NOXO1: variants seen among roughly 807,000 people sequenced by gnomAD.
NOXO1 encodes the protein NADPH oxidase regulatory protein.
A neutral mutation model predicts 33.3 loss-of-function variants in NOXO1; 38 were observed. The ratio of observed to expected loss-of-function variants is 1.14; its 90% confidence interval spans 0.88 to 1.50. The LOEUF is 1.50. NOXO1 is among the 40% of genes most tolerant of loss of function. NOXO1 has a pLI of 0.00. For missense variants in NOXO1, 675 were observed against 527.1 expected (o/e 1.28, Z -2.75); for synonymous variants, 302 against 237.3 (o/e 1.27, Z -2.51).
chr16:1,980,051 G>A lies in NOXO1; in HGVS notation c.532C>T (p.Pro178Ser), dbSNP rs1295819112. The change falls in exon 5 of 8, where the codon CCT becomes TCT. Residue 178 changes from proline (P) to serine (S), a missense_variant. Physicochemically the swap from Pro to Ser is moderately conservative, Grantham distance 74. Transcript: ENST00000356120. The part of the protein sequence containing the change: ...PFCTQDTRDR[P>S]FQAQAQESLD... ...CTCTCCTGGGCCTGCGCCTGAAAAG[G>A]CCTATCCCGCGTGTCCTGGGTACAG... 1 of 1,606,932 alleles carries A rather than the reference G, an allele frequency of 6.2e-7. No individual in the cohort carries two copies.
At position 1,978,959 on chromosome 16, in the gene NOXO1, C is replaced by T. The variant is rs1425946820; in HGVS notation, c.*93G>A. ...TACTCAGAGGAACAGCAAATGGCCC[C>T]CTCCCATCCCTGCTGGCCAGGGAGA... is the stretch of plus-strand genomic sequence containing the variant. On this transcript the variant is annotated 3_prime_UTR_variant, in exon 8 of 8. Transcript: ENST00000356120. 7 of 1,280,756 alleles carry T rather than the reference C, an allele frequency of 5.5e-6. No individual in the cohort carries two copies. Among genetic ancestry groups the T allele is most frequent in the Non-Finnish European group, 7.4e-6 (7 of 939,832 alleles). The allele number at this position is 1,280,756 out of a possible 1,614,324, so 79.3% of individuals were successfully genotyped here.
rs754828616 is a variant in NOXO1 at position 1,980,656 on chromosome 16, C to T, written c.223G>A (p.Asp75Asn). ...RSDRVLPKLL[D>N]APLLGRVGRT... ...GCTCCCGTACCCAGGCTGGCCTGAC[C>T]GAGAAGCTTTGGGAGAACGCGGTCA... is the stretch of plus-strand genomic sequence containing the variant. Residue 75 changes from aspartate to asparagine, a missense_variant and splice_region_variant, in exon 3 of 8, where the codon GAT becomes AAT. By Grantham distance (23) the Asp-to-Asn change is conservative. Coordinates refer to ENST00000356120, the MANE Select transcript of NOXO1 (RefSeq NM_172167.3). 4 of 1,605,282 alleles carry T rather than the reference C, an allele frequency of 2.5e-6. No homozygotes were observed. In the Admixed American group the frequency reaches 6.8e-5, roughly 27 times the overall value.
In NOXO1 at chr16:1,980,915, TCAGGGTGGCC is replaced by T; in HGVS notation, c.147+14_147+23del. On this transcript the variant is annotated intron_variant, in intron 2 of 7. Coordinates refer to ENST00000356120, the MANE Select transcript of NOXO1 (RefSeq NM_172167.3). ...GCGTGGGGAAGCCGCCACCGCGGCA[TCAGGGTGGCC>T]CAGGGTCACTCACCTTGAGCTGCCT... The T allele has an allele frequency of 6.2e-7, 1 of 1,604,248 alleles. No homozygotes were observed. The highest frequency in any genetic ancestry group is 8.5e-7 in the Non-Finnish European group (1 of 1,172,976).
chr16:1,981,413 G>A lies in NOXO1; in HGVS notation c.-234C>T, dbSNP rs930319004. Reference sequence around the variant, plus strand: ...ACAGGGATTGGGGGACTTCCAGGCAGAGCTGCTGGGAGGAAGAAGAAGAAT... The same window carrying A: ...ACAGGGATTGGGGGACTTCCAGGCAAAGCTGCTGGGAGGAAGAAGAAGAAT... On this transcript the variant is annotated 5_prime_UTR_variant, in exon 1 of 8. Coordinates refer to ENST00000356120, the MANE Select transcript of NOXO1 (RefSeq NM_172167.3). The A allele has an allele frequency of 1.5e-5, 15 of 998,158 alleles. No homozygotes were observed. Among genetic ancestry groups the A allele is most frequent in the Non-Finnish European group, 2.0e-5 (14 of 708,490 alleles). 61.8% of individuals were successfully genotyped at this position (998,158 alleles called of 1,614,324 possible). A position where few individuals can be genotyped will look rare whatever the true frequency, so the allele number is the denominator to read the frequency against.
chr16:1,979,418 C>T lies in NOXO1; in HGVS notation c.818+7G>A, dbSNP rs776669047. 1.2e-6 allele frequency: 2 copies of T among 1,606,186 alleles called. No homozygotes were observed. Among genetic ancestry groups the T allele is most frequent in the Non-Finnish European group, 1.7e-6 (2 of 1,178,466 alleles). The stretch of plus-strand genomic sequence containing the variant: ...AGCCTGCCCTGCCCACGCCCGCTCC[C>T]GCGTACCTGCATAGCCACCAGCCGC... On this transcript the variant is annotated splice_region_variant and intron_variant, in intron 7 of 7. Coordinates refer to ENST00000356120, the MANE Select transcript of NOXO1 (RefSeq NM_172167.3).
chr16:1,980,294 G>A, intron 4 of NOXO1, 73 bp downstream of exon 4: 1 of 1,528,880 alleles, frequency 6.5e-7, no homozygotes, highest in Non-Finnish European at 8.8e-7. Context: ...TTCGCTGGCT[G>A]TTCCCCCCCA....
Position 1,979,890 on chromosome 16 carries a change from C to T in NOXO1, c.600G>A (p.Val200=), listed in dbSNP as rs1597055703. The change falls in exon 6 of 8, where the codon GTG becomes GTA. Residue 200 remains valine (V), a synonymous_variant. Coordinates refer to ENST00000356120, the MANE Select transcript of NOXO1 (RefSeq NM_172167.3). ...LLRHPSGWWL[V]ENEDRQTAWF... ...AGGCGGTCTGCCGGTCTTCGTTCTC[C>T]ACCAGCCACCAGCCTGTGCGCAAGA... 2 of 1,581,706 alleles carry T rather than the reference C, an allele frequency of 1.3e-6. No individual in the cohort carries two copies. The highest frequency in any genetic ancestry group is 1.1e-5 in the South Asian group (1 of 87,380).
Position 1,979,266 on chromosome 16 carries a change from C to T in NOXO1, c.902G>A (p.Arg301His), listed in dbSNP as rs763393227. ...LGALLSGTGF[R>H]GGDDPAGEAR... ...CTCACCCGCCGGGTCGTCTCCTCCA[C>T]GGAACCCCGTCCCGCTCAGGAGAGC... is the stretch of plus-strand genomic sequence containing the variant. The change falls in exon 8 of 8, where the codon CGT (arginine) becomes CAT (histidine). Residue 301 changes from arginine (R) to histidine (H), a missense_variant. Physicochemically the swap from Arg to His is conservative, Grantham distance 29 (BLOSUM62 0). Transcript: ENST00000356120. The T allele has an allele frequency of 4.5e-6, 7 of 1,540,186 alleles. No individual in the cohort carries two copies. The East Asian group carries it at 7.4e-5, about 16-fold the overall frequency.
Position 1,979,271 on chromosome 16 carries a change from C to A in NOXO1, c.897G>T (p.Gly299=). 2 of 1,547,184 alleles carry A rather than the reference C, an allele frequency of 1.3e-6. No individual in the cohort carries two copies. The highest frequency in any genetic ancestry group is 1.2e-5 in the South Asian group (1 of 85,040). Residue 299 remains glycine, a synonymous_variant, in exon 8 of 8, where the codon GGG becomes GGT. Transcript: ENST00000356120. ...EGLGALLSGT[G]FRGGDDPAGE... ...CCGCCGGGTCGTCTCCTCCACGGAA[C>A]CCCGTCCCGCTCAGGAGAGCGCCCA...
At position 1,980,005 on chromosome 16, in the gene NOXO1, T is replaced by G. The variant is rs1315391955; in HGVS notation, c.578A>C (p.His193Pro). Residue 193 changes from histidine (H) to proline (P), a missense_variant, in exon 5 of 8, where the codon CAC (histidine) becomes CCC (proline). By Grantham distance (77) the His-to-Pro change is moderately conservative (BLOSUM62 -2). Transcript: ENST00000356120. ...AQESLDVLLR[H>P]PSGWWLVENE... is the part of the protein sequence containing the mutation. ...TTCTTGGGGGGCCCTACCTGAGGGG[T>G]GCCGCAGCAGCACGTCCAGGCTCTC... 6.4e-7 allele frequency: 1 copy of G among 1,558,332 alleles called. No individual in the cohort carries two copies.
rs754548494 is a variant in NOXO1, at chr16:1,979,518, G to A, written c.725C>T (p.Ala242Val). The part of the protein sequence containing the change: ...SSGPQFCASR[A>V]YESSRADELS... ...CTCATCTGCGCGGCTGCTCTCGTAG[G>A]CGCGGGAAGCACAGAACTGGGGACC... The change falls in exon 7 of 8, where the codon GCC (alanine) becomes GTC (valine). Residue 242 changes from alanine (A) to valine (V), a missense_variant. Physicochemically the swap from Ala to Val is moderately conservative, Grantham distance 64. Transcript: ENST00000356120. 2 of 1,611,320 alleles carry A rather than the reference G, an allele frequency of 1.2e-6. No individual in the cohort carries two copies. The highest frequency in any genetic ancestry group is 1.7e-5 in the Admixed American group (1 of 59,878).
intron 6 of NOXO1, 119 bp downstream of exon 6, chr16:1,979,671 C>T (rs2083457584): frequency 1.7e-6 from 2 of 1,183,136 alleles, no homozygotes; most frequent in East Asian, 2.5e-5. Flanking sequence ...TCGGGGCTTC[C>T]TCTAGGTGCG....
Position 1,980,973 on chromosome 16 carries a change from A to G in NOXO1, c.113T>C (p.Val38Ala). Reference protein sequence around the residue: ...VRWSDGSDTFVRRSWDEFRQL... With the variant: ...VRWSDGSDTFARRSWDEFRQL... ...CCTGAATTCGTCCCAACTCCTGCGC[A>G]CGAAGGTGTCGCTGCCGTCTGACCA... The change falls in exon 2 of 8, where the codon GTG becomes GCG. Residue 38 changes from valine to alanine, a missense_variant. Physicochemically the swap from Val to Ala is moderately conservative, Grantham distance 64 (BLOSUM62 0). Coordinates refer to ENST00000356120, the MANE Select transcript of NOXO1 (RefSeq NM_172167.3). The G allele has an allele frequency of 1.9e-6, 3 of 1,613,180 alleles. No individual in the cohort carries two copies. The highest frequency in any genetic ancestry group is 2.5e-6 in the Non-Finnish European group (3 of 1,180,010).
At position 1,979,562 on chromosome 16, in the gene NOXO1, G is replaced by A. The variant is rs1471582644; in HGVS notation, c.701-20C>T. 6.3e-7 allele frequency: 1 copy of A among 1,588,612 alleles called. No homozygotes were observed. The highest frequency in any genetic ancestry group is 1.1e-5 in the South Asian group (1 of 89,332). ...GGGGACCTGGTGGGAGTGGGTGTTT[G>A]GAGTCACCGCGGGGCCACAGAGGAC... On this transcript the variant is annotated intron_variant, in intron 6 of 7. Coordinates refer to ENST00000356120, the MANE Select transcript of NOXO1 (RefSeq NM_172167.3).
Position 1,979,286 on chromosome 16 carries a change from G to C in NOXO1, c.882C>G (p.Leu294=). 1 of 1,558,962 alleles carries C rather than the reference G, an allele frequency of 6.4e-7. No homozygotes were observed. Among genetic ancestry groups the C allele is most frequent in the Non-Finnish European group, 8.6e-7 (1 of 1,159,952 alleles). Residue 294 remains leucine, a synonymous_variant, in exon 8 of 8, where the codon CTC becomes CTG. Transcript: ENST00000356120. ...CTCCACGGAACCCCGTCCCGCTCAG[G>C]AGAGCGCCCAGCCCTTCCGGCCGCA... is the stretch of plus-strand genomic sequence containing the variant. ...VLLRPEGLGA[L]LSGTGFRGGD... is the part of the protein sequence containing the mutation.
Position 1,980,002 on chromosome 16 carries a change from G to T in NOXO1, c.581C>A (p.Pro194His). 6.2e-7 allele frequency: 1 copy of T among 1,602,740 alleles called. No homozygotes were observed. The highest frequency in any genetic ancestry group is 8.5e-7 in the Non-Finnish European group (1 of 1,175,900). The change falls in exon 5 of 8, where the codon CCC becomes CAC. Residue 194 changes from proline (P) to histidine (H), a missense_variant. By Grantham distance (77) the Pro-to-His change is moderately conservative. Coordinates refer to ENST00000356120, the MANE Select transcript of NOXO1 (RefSeq NM_172167.3). ...GGGTTCTTGGGGGGCCCTACCTGAG[G>T]GGTGCCGCAGCAGCACGTCCAGGCT... The part of the protein sequence containing the change: ...QESLDVLLRH[P>H]SGWWLVENED...
In NOXO1 at chr16:1,980,524, C is replaced by G; in HGVS notation, c.244G>C (p.Val82Leu). ...GCCAGGCCGCGGCTCGTGCGCCCCA[C>G]GCGTCCCAACAGTGGTGCATCTTAA... ...KLLDAPLLGR[V>L]GRTSRGLARL... Residue 82 changes from valine to leucine, a missense_variant, in exon 4 of 8, where the codon GTG becomes CTG. Physicochemically the swap from Val to Leu is conservative, Grantham distance 32 (BLOSUM62 1). Coordinates refer to ENST00000356120, the MANE Select transcript of NOXO1 (RefSeq NM_172167.3). The G allele has an allele frequency of 1.2e-6, 2 of 1,603,250 alleles. No individual in the cohort carries two copies. Among genetic ancestry groups the G allele is most frequent in the South Asian group, 2.2e-5 (2 of 90,704 alleles).
In NOXO1 at chr16:1,981,243, G is replaced by A; in HGVS notation, c.-64C>T. 3 of 1,607,262 alleles carry A rather than the reference G, an allele frequency of 1.9e-6. No homozygotes were observed. The highest frequency in any genetic ancestry group is 2.5e-6 in the Non-Finnish European group (3 of 1,177,140). On this transcript the variant is annotated 5_prime_UTR_variant, in exon 1 of 8. Coordinates refer to ENST00000356120, the MANE Select transcript of NOXO1 (RefSeq NM_172167.3). ...AGGACCCTTCTGCCTCCCCGTGCTT[G>A]AGAGGGCTCTGGGGGACCCAGAAAA...
intron 2 of NOXO1, 36 bp downstream of exon 2, chr16:1,980,903 G>C (rs2083494836): frequency 6.3e-7 from 1 of 1,582,772 alleles, no homozygotes. Context: ...TGGGGAAGCC[G>C]CCACCGCGGC....
Sources: allele counts gnomAD v4.1 joint callset, GRCh38; gene constraint gnomAD v4.1.1; transcripts MANE v1.5; gene names NCBI Gene and HGNC (gene_info 2026-07-23, HGNC 2026-07-21).